The following HSD17B2 variants were observed in gnomAD, a reference collection of about 807,000 sequenced individuals.
HSD17B2 encodes hydroxysteroid 17-beta dehydrogenase 2.
In HSD17B2, 32 loss-of-function variants were observed where a neutral mutation model predicts 26.9. That is an observed-to-expected ratio of 1.19 (90% CI 0.90 to 1.60). HSD17B2 has a LOEUF of 1.60. Ranked by LOEUF, HSD17B2 falls within the 40% of genes most tolerant of loss-of-function variation. The pLI, the probability that HSD17B2 is intolerant of heterozygous loss-of-function variation, is 0.00. For missense variants in HSD17B2, 613 were observed against 468.6 expected (o/e 1.31, Z -2.85); for synonymous variants, 246 against 186.7 (o/e 1.32, Z -2.59).
chr16:82,048,573 T>C (rs1311348616), intron 1 of HSD17B2, among the ~76,000 whole-genome samples: 1 of 152,042 alleles, frequency 6.6e-6, no homozygotes, highest in Admixed American at 6.5e-5. Context: ...TGGGGAGTGA[T>C]TTGGAGACCC....
chr16:82,072,569 T>C (rs891375547), intron 3 of HSD17B2, among the ~76,000 whole-genome samples: 2 of 152,208 alleles, frequency 1.3e-5, no homozygotes, highest in Admixed American at 1.3e-4. Flanking sequence ...GTTTCTCTTT[T>C]TTTTCCTCTG....
chr16:82,039,194 G>A (rs1327832488), intron 1 of HSD17B2, among the ~76,000 whole-genome samples: 1 of 151,740 alleles, frequency 6.6e-6, no homozygotes, highest in Non-Finnish European at 1.5e-5. Context: ...GTAAACTTTG[G>A]TGCTCGGTTT....
chr16:82,073,426 G>A (rs1324309180), intron 3 of HSD17B2, among the ~76,000 whole-genome samples: 13 of 151,816 alleles, frequency 8.6e-5, no homozygotes, highest in African/African-American at 2.9e-4. Flanking sequence ...GGGTTTCACC[G>A]TGTTAGCCAG....
intron 1 of HSD17B2, among the ~76,000 whole-genome samples, chr16:82,066,345 C>T (rs985404101): frequency 6.6e-6 from 1 of 152,178 alleles, no homozygotes; most frequent in Non-Finnish European, 1.5e-5. Context: ...GCGTTCATCT[C>T]ATAATGGTGG....
intron 1 of HSD17B2, among the ~76,000 whole-genome samples, chr16:82,045,221 A>C (rs550210468): frequency 1.2e-4 from 18 of 152,152 alleles, no homozygotes; most frequent in African/African-American, 4.3e-4. Flanking sequence ...CTGGTATGAA[A>C]ATGGTCCAGG....
intron 3 of HSD17B2, among the ~76,000 whole-genome samples, chr16:82,084,326 A>G (rs545766471): frequency 6.6e-6 from 1 of 152,246 alleles, no homozygotes; most frequent in African/African-American, 2.4e-5. Context: ...AGATAATAGT[A>G]GCACCCACCC....
At chr16:82,037,133 G>C (rs1292764691) in intron 1 of HSD17B2, among the ~76,000 whole-genome samples, 1 of 152,216 alleles carries the variant, frequency 6.6e-6, no homozygotes, top group Non-Finnish European at 1.5e-5. Flanking sequence ...GAGGATGATT[G>C]AATCAATTAG....
intron 3 of HSD17B2, among the ~76,000 whole-genome samples, chr16:82,072,506 A>T (rs1017165444): frequency 3.3e-5 from 5 of 152,144 alleles, no homozygotes; most frequent in Non-Finnish European, 7.4e-5. Flanking sequence ...TATATAATAA[A>T]TATTTACTGA....
chr16:82,036,469 C>G (rs931107240), intron 1 of HSD17B2, among the ~76,000 whole-genome samples: 1 of 151,470 alleles, frequency 6.6e-6, no homozygotes, highest in African/African-American at 2.4e-5. Context: ...GATTATCCAG[C>G]GTTATCCTAA....
intron 4 of HSD17B2, chr16:82,093,234 C>T (rs1233611172): frequency 1.3e-5 from 2 of 152,228 alleles, no homozygotes; most frequent in Non-Finnish European, 2.9e-5. Context: ...CCTCTCCAAC[C>T]TCCCAATAGG....
chr16:82,096,617 T>C (rs1218530156), intron 4 of HSD17B2: 2 of 152,012 alleles, frequency 1.3e-5, no homozygotes, highest in Non-Finnish European at 2.9e-5. Flanking sequence ...CTATATTATA[T>C]ACAGTATATA....
intron 3 of HSD17B2, among the ~76,000 whole-genome samples, chr16:82,085,861 G>C (rs1904513236): frequency 6.6e-6 from 1 of 151,878 alleles, no homozygotes; most frequent in African/African-American, 2.4e-5. Flanking sequence ...ACAATTGCTA[G>C]AAATCAAAAC....
chr16:82,095,897 G>C (rs1425151968), intron 4 of HSD17B2: 1 of 152,150 alleles, frequency 6.6e-6, no homozygotes, highest in African/African-American at 2.4e-5. Context: ...ATGTATGTTT[G>C]TATGAACAAG....
At chr16:82,036,354 GTGTGTGTGTT>G (rs1362027699) in intron 1 of HSD17B2, among the ~76,000 whole-genome samples, 1 of 120,864 alleles carries the variant, frequency 8.3e-6, no homozygotes, top group Admixed American at 9.5e-5. Flanking sequence ...GTGTGTGTGT[GTGTGTGTGTT>G]TCCCCATTGC....
intron 4 of HSD17B2, chr16:82,094,814 A>T (rs1944472366): frequency 6.6e-6 from 1 of 152,206 alleles, no homozygotes. Flanking sequence ...TAAGTGCTTT[A>T]TGTGCATTAT....
At chr16:82,036,822 G>A (rs1913638954) in intron 1 of HSD17B2, among the ~76,000 whole-genome samples, 1 of 152,082 alleles carries the variant, frequency 6.6e-6, no homozygotes, top group Admixed American at 6.5e-5. Flanking sequence ...CATGTATCTG[G>A]GAGTCTGGCT....
chr16:82,036,282 C>T (rs1315007417), intron 1 of HSD17B2, among the ~76,000 whole-genome samples: 1 of 151,514 alleles, frequency 6.6e-6, no homozygotes, highest in South Asian at 2.1e-4. Flanking sequence ...GTCCAACATT[C>T]AGTTGCCTGT....
chr16:82,049,398 C>T (rs541133259), intron 1 of HSD17B2, among the ~76,000 whole-genome samples: 1 of 152,300 alleles, frequency 6.6e-6, no homozygotes, highest in East Asian at 1.9e-4. Flanking sequence ...TCATGTCATT[C>T]ATGTGCATCA....
chr16:82,049,265 G>C (rs554449410), intron 1 of HSD17B2, among the ~76,000 whole-genome samples: 55 of 152,320 alleles, frequency 3.6e-4, no homozygotes, highest in Middle Eastern at 3.4e-3. Flanking sequence ...CAGGTATTGA[G>C]TGTTGAGGCC....
Sources: allele counts gnomAD v4.1 joint callset (sites outside exome capture counted in the v4.1 genomes callset), GRCh38; gene constraint gnomAD v4.1.1; transcripts MANE v1.5; gene names NCBI Gene and HGNC (gene_info 2026-07-23, HGNC 2026-07-21).